ZC2HC1B: variants seen among roughly 807,000 people sequenced by gnomAD.
ZC2HC1B encodes the protein zinc finger C2HC-type containing 1B, also known as zinc finger C2HC domain-containing protein 1B.
In ZC2HC1B, 36 loss-of-function variants were observed where a neutral mutation model predicts 31.0. The ratio of observed to expected loss-of-function variants is 1.16; its 90% CI spans 0.89 to 1.54. The LOEUF is 1.54. ZC2HC1B is among the 40% of genes most tolerant of loss of function. ZC2HC1B has a pLI of 0.00. For missense variants in ZC2HC1B, 260 were observed against 268.6 expected, an observed-to-expected ratio of 0.97 and a Z score of 0.22; for synonymous variants, 73 against 88.0, an observed-to-expected ratio of 0.83 and a Z score of 0.95.
In ZC2HC1B at chr6:143,933,958, C is replaced by T. The variant is rs1778150164; in HGVS notation, c.599-3691C>T. On this transcript the variant is annotated intron_variant, in intron 6 of 7. Coordinates refer to ENST00000237275, the MANE Select transcript of ZC2HC1B (RefSeq NM_001013623.3). This position sits in a 1 kb window ranked among gnomAD's most constrained non-coding sequence, Gnocchi z 6.4. The stretch of plus-strand genomic sequence containing the variant: ...ACCCCTCTCAAATTCTGCCAGTTGC[C>T]TTCCCCGAGGGCTCTTGTGAGATAG... Among the ~76,000 whole-genome samples the T allele has an allele frequency of 6.6e-6, 1 of 152,316 alleles. No individual in the cohort carries two copies. Among genetic ancestry groups the T allele is most frequent in the South Asian group, 2.1e-4 (1 of 4,826 alleles).
Position 143,899,018 on chromosome 6 carries a change from G to A in ZC2HC1B, c.489+327G>A, listed in dbSNP as rs1777704666. On this transcript the variant is annotated intron_variant, in intron 5 of 7. Coordinates refer to ENST00000237275, the MANE Select transcript of ZC2HC1B (RefSeq NM_001013623.3). The surrounding 1 kb of genome is among the most constrained non-coding windows in gnomAD (Gnocchi z 5.0). ...CCTTAATCACCCAGAAAAGAATTGC[G>A]AACCTGAAGTGAAACTGCCTGAGTG... 6.6e-6 allele frequency among the ~76,000 whole-genome samples: 1 copy of A among 152,302 alleles called. No individual in the cohort carries two copies. Among genetic ancestry groups the A allele is most frequent in the African/African-American group, 2.4e-5 (1 of 41,562 alleles).
chr6:143,923,584 T>A lies in ZC2HC1B; in HGVS notation c.599-14065T>A, dbSNP rs1468112161. On this transcript the variant is annotated intron_variant, in intron 6 of 7. Transcript: ENST00000237275. The surrounding 1 kb of genome is among the most constrained non-coding windows in gnomAD (Gnocchi z 4.8). ...CTTCTAGTAGTTTCATAGTTTTGGG[T>A]CTTATGTTTAAGTCTTTCATCAATT... Among the ~76,000 whole-genome samples the A allele has an allele frequency of 1.3e-5, 2 of 152,280 alleles. No individual in the cohort carries two copies. Among genetic ancestry groups the A allele is most frequent in the East Asian group, 3.9e-4 (2 of 5,192 alleles).
Position 143,922,495 on chromosome 6 carries a change from G to A in ZC2HC1B, c.599-15154G>A, listed in dbSNP as rs766302752. ...ACCCTGCCACACACATACCCTTCCC[G>A]TCCTCTAGTAACTATCATTCTATTC... On this transcript the variant is annotated intron_variant, in intron 6 of 7. Transcript: ENST00000237275. The surrounding 1 kb of genome is among the most constrained non-coding windows in gnomAD (Gnocchi z 5.0). Among the ~76,000 whole-genome samples, 5 of 151,938 alleles carry A rather than the reference G, an allele frequency of 3.3e-5. No homozygotes were observed. The highest frequency in any genetic ancestry group is 2.1e-4 in the South Asian group (1 of 4,814).
Position 143,869,449 on chromosome 6 carries a change from C to T in ZC2HC1B, c.28+4882C>T, listed in dbSNP as rs184903511. Among the ~76,000 whole-genome samples the T allele has an allele frequency of 3.7e-4, 57 of 152,316 alleles. No individual in the cohort carries two copies. Among genetic ancestry groups the T allele is most frequent in the Admixed American group, 1.0e-3 (16 of 15,308 alleles). On this transcript the variant is annotated intron_variant, in intron 1 of 7. Transcript: ENST00000237275. The surrounding 1 kb of genome is among the most constrained non-coding windows in gnomAD (Gnocchi z 5.2). ...GACCAGTGAATTCCATGAGCATGCGCCCACTGCTGCACTTCTTTATCTGTA... is the reference window on the plus strand; with the variant it reads ...GACCAGTGAATTCCATGAGCATGCGTCCACTGCTGCACTTCTTTATCTGTA...
chr6:143,904,356 C>CT (rs1777770211), intron 6 of ZC2HC1B, among the ~76,000 whole-genome samples: 1 of 151,792 alleles, frequency 6.6e-6, no homozygotes. Flanking sequence ...TGTTGATATT[C>CT]TTTTTTGTGT....
At position 143,869,193 on chromosome 6, in the gene ZC2HC1B, A is replaced by G. The variant is rs117867450; in HGVS notation, c.28+4626A>G. 0.032 allele frequency among the ~76,000 whole-genome samples: 4,886 copies of G among 152,200 alleles called. 90 individuals are homozygous for G. The highest frequency in any genetic ancestry group is 0.08 in the South Asian group (384 of 4,818). ...ATTAGGCTGTTGTAGTTTCCCATTG[A>G]CCTGAATCACAGGACATGGTAATAC... On this transcript the variant is annotated intron_variant, in intron 1 of 7. Coordinates refer to ENST00000237275, the MANE Select transcript of ZC2HC1B (RefSeq NM_001013623.3). The surrounding 1 kb of genome is among the most constrained non-coding windows in gnomAD (Gnocchi z 5.2).
intron 6 of ZC2HC1B, among the ~76,000 whole-genome samples, chr6:143,925,536 C>CTTT (rs36007959): frequency 1.9e-4 from 20 of 104,956 alleles, no homozygotes; most frequent in African/African-American, 7.6e-4. Flanking sequence ...CTTTTCTTTT[C>CTTT]TTTTTTTTTT....
chr6:143,882,332 T>TATATATATATATATA (rs1554237224), intron 1 of ZC2HC1B, among the ~76,000 whole-genome samples: 1 of 67,388 alleles, frequency 1.5e-5, no homozygotes, highest in African/African-American at 7.9e-5. Context: ...ATTTTATATT[T>TATATATATATATATA]TTTATATATA....
chr6:143,880,213 T>C (rs1234659359), intron 1 of ZC2HC1B, among the ~76,000 whole-genome samples: 1 of 152,190 alleles, frequency 6.6e-6, no homozygotes, highest in African/African-American at 2.4e-5. Flanking sequence ...TCAAAGATTA[T>C]AAACCAATGT....
At position 143,938,159 on chromosome 6, in the gene ZC2HC1B, C is replaced by T. The variant is rs1363255461; in HGVS notation, c.*32C>T. 2 of 153,290 alleles carry T rather than the reference C, an allele frequency of 1.3e-5. No homozygotes were observed. The highest frequency in any genetic ancestry group is 6.5e-5 in the Admixed American group (1 of 15,358). 9.5% of individuals were successfully genotyped at this position (153,290 alleles called of 1,614,324 possible). ...GCTTTCAGACTGCCTCCCTGAAACC[C>T]ATCAGCCTGGATGGTTGCGTACCCG... On this transcript the variant is annotated 3_prime_UTR_variant, in exon 8 of 8. Coordinates refer to ENST00000237275, the MANE Select transcript of ZC2HC1B (RefSeq NM_001013623.3). This position sits in a 1 kb window ranked among gnomAD's most constrained non-coding sequence, Gnocchi z 4.2.
chr6:143,930,311 G>A (rs1778102874), intron 6 of ZC2HC1B, among the ~76,000 whole-genome samples: 1 of 147,562 alleles, frequency 6.8e-6, no homozygotes. Flanking sequence ...TTTGTCTTTT[G>A]TCATTGACCC....
rs2128494698 is a variant in ZC2HC1B at position 143,895,811 on chromosome 6, C to T, written c.350-2741C>T. 6.6e-6 allele frequency among the ~76,000 whole-genome samples: 1 copy of T among 152,298 alleles called. No individual in the cohort carries two copies. ...ATAATGCTTGGTTTTCCACTTTTCT[C>T]TGAGATCTGGCCACCATATTCCTCG... On this transcript the variant is annotated intron_variant, in intron 4 of 7. Transcript: ENST00000237275. This position sits in a 1 kb window ranked among gnomAD's most constrained non-coding sequence, Gnocchi z 4.8.
chr6:143,925,538 T>TTTC (rs1187934089), intron 6 of ZC2HC1B, among the ~76,000 whole-genome samples: 1 of 22,190 alleles, frequency 4.5e-5, no homozygotes, highest in African/African-American at 2.2e-4. Context: ...TTTCTTTTCT[T>TTTC]TTTTTTTTTT....
chr6:143,885,613 A>AG lies in ZC2HC1B; in HGVS notation c.91-416dup, dbSNP rs1202663655. Reference sequence around the variant, plus strand: ...GTTATTATGTGTCACACATCCACGAAGGGAGAGGGCCAAGGTCCCATAGTG... The same window carrying AG: ...GTTATTATGTGTCACACATCCACGAAGGGGAGAGGGCCAAGGTCCCATAGTG... On this transcript the variant is annotated intron_variant, in intron 2 of 7. Transcript: ENST00000237275. The surrounding 1 kb of genome is among the most constrained non-coding windows in gnomAD (Gnocchi z 4.2). 1.3e-5 allele frequency among the ~76,000 whole-genome samples: 2 copies of AG among 152,186 alleles called. No individual in the cohort carries two copies. The highest frequency in any genetic ancestry group is 2.9e-5 in the Non-Finnish European group (2 of 68,036).
At chr6:143,902,060 CCT>C (rs749411716) in intron 5 of ZC2HC1B, among the ~76,000 whole-genome samples, 4 of 152,142 alleles carry the variant, frequency 2.6e-5, no homozygotes, top group Non-Finnish European at 4.4e-5. Flanking sequence ...TGGCCCCACT[CCT>C]CTCCTTGTTT....
In ZC2HC1B at chr6:143,905,859, C is replaced by T. The variant is rs555976689; in HGVS notation, c.598+2707C>T. 8.3e-4 allele frequency among the ~76,000 whole-genome samples: 126 copies of T among 152,134 alleles called. 1 individual carries two copies. Among genetic ancestry groups the T allele is most frequent in the African/African-American group, 2.5e-3 (105 of 41,524 alleles). ...TTCTGTAAATGTAGTGTACATTGAT[C>T]GATTTTCATGTGTTGAACCATCCCT... On this transcript the variant is annotated intron_variant, in intron 6 of 7. Transcript: ENST00000237275. This position sits in a 1 kb window ranked among gnomAD's most constrained non-coding sequence, Gnocchi z 4.2.
rs886653214 is a variant in ZC2HC1B, at chr6:143,905,773, G to C, written c.598+2621G>C. On this transcript the variant is annotated intron_variant, in intron 6 of 7. Coordinates refer to ENST00000237275, the MANE Select transcript of ZC2HC1B (RefSeq NM_001013623.3). The surrounding 1 kb of genome is among the most constrained non-coding windows in gnomAD (Gnocchi z 4.2). ...AGTGTTTTTATCATGAAAGGGTGTTGAATTTTCTCAAATGGTTTTTTTTGC... is the reference window on the plus strand; with the variant it reads ...AGTGTTTTTATCATGAAAGGGTGTTCAATTTTCTCAAATGGTTTTTTTTGC... Among the ~76,000 whole-genome samples, 20 of 152,154 alleles carry C rather than the reference G, an allele frequency of 1.3e-4. No individual in the cohort carries two copies. Among genetic ancestry groups the C allele is most frequent in the African/African-American group, 4.8e-4 (20 of 41,510 alleles).
chr6:143,865,974 C>G lies in ZC2HC1B; in HGVS notation c.28+1407C>G, dbSNP rs907933532. Among the ~76,000 whole-genome samples, 7 of 152,302 alleles carry G rather than the reference C, an allele frequency of 4.6e-5. No homozygotes were observed. The highest frequency in any genetic ancestry group is 3.3e-4 in the Admixed American group (5 of 15,296). On this transcript the variant is annotated intron_variant, in intron 1 of 7. Coordinates refer to ENST00000237275, the MANE Select transcript of ZC2HC1B (RefSeq NM_001013623.3). This position sits in a 1 kb window ranked among gnomAD's most constrained non-coding sequence, Gnocchi z 4.4. The stretch of plus-strand genomic sequence containing the variant: ...GGGATTACAGGTGTGCACCACCATG[C>G]CCAGCTAATTTTTGTATTCTTAGTA...
Position 143,903,157 on chromosome 6 carries a change from G to A in ZC2HC1B, c.598+5G>A. ...ATGAAGTCCCAACCAAGTCAGGTGA[G>A]TCAAAGCACGCATTTCATCTCTCAA... is the stretch of plus-strand genomic sequence containing the variant. On this transcript the variant is annotated splice_donor_5th_base_variant and intron_variant, in intron 6 of 7. Transcript: ENST00000237275. This position sits in a 1 kb window ranked among gnomAD's most constrained non-coding sequence, Gnocchi z 4.3. 1 of 1,551,782 alleles carries A rather than the reference G, an allele frequency of 6.4e-7. No individual in the cohort carries two copies. The highest frequency in any genetic ancestry group is 1.2e-5 in the South Asian group (1 of 84,054).
Sources: allele counts gnomAD v4.1 joint callset (sites outside exome capture counted in the v4.1 genomes callset), GRCh38; gene constraint gnomAD v4.1.1; non-coding constraint Gnocchi (gnomAD v3.1); transcripts MANE v1.5; gene names NCBI Gene and HGNC (gene_info 2026-07-23, HGNC 2026-07-21).